Variants in ZPBP observed in about 807,000 individuals in gnomAD.
ZPBP encodes zona pellucida binding protein, also known as zona pellucida-binding protein 1.
A neutral mutation model predicts 44.8 loss-of-function variants in ZPBP; 26 were observed. The observed-to-expected ratio is 0.58, with a 90% CI of 0.43 to 0.81. The LOEUF (loss-of-function observed/expected upper bound fraction) is 0.81, where lower values mean the gene tolerates loss of function less well. Ranked by LOEUF, ZPBP falls within the 30% of genes least tolerant of loss-of-function variation. The pLI, the probability that ZPBP is intolerant of heterozygous loss-of-function variation, is 0.00. For missense variants in ZPBP, 409 were observed against 434.0 expected (o/e 0.94, Z 0.51); for synonymous variants, 174 against 153.2 (o/e 1.14, Z -1.00).
At chr7:49,970,624 CA>C in intron 7 of ZPBP, among the ~76,000 whole-genome samples, 1 of 150,808 alleles carries the variant, frequency 6.6e-6, no homozygotes, top group Non-Finnish European at 1.5e-5. Flanking sequence ...CCAGTCAGAG[CA>C]GAATAAAGCT....
chr7:49,929,319 A>G (rs1794368305), intron 1 of ZPBP, among the ~76,000 whole-genome samples: 1 of 152,228 alleles, frequency 6.6e-6, no homozygotes, highest in Admixed American at 6.5e-5. Context: ...TTTTGTCACC[A>G]TGCTTGATCA....
intron 3 of ZPBP, among the ~76,000 whole-genome samples, chr7:50,071,929 G>T (rs1443524424): frequency 6.6e-6 from 1 of 152,214 alleles, no homozygotes; most frequent in African/African-American, 2.4e-5. Context: ...CTTCAGGTGA[G>T]ACTCAGCACA....
chr7:49,873,168 C>T (rs1451557609), intron 2 of ZPBP, among the ~76,000 whole-genome samples: 2 of 152,100 alleles, frequency 1.3e-5, no homozygotes, highest in Non-Finnish European at 2.9e-5. Context: ...AACAATTTGT[C>T]TTGGTCTGTT....
At chr7:49,935,084 C>G (rs1794575692), downstream of ZPBP, among the ~76,000 whole-genome samples, 3 of 152,118 alleles carry the variant, frequency 2.0e-5, no homozygotes, top group South Asian at 6.2e-4. Context: ...AAACAACTTC[C>G]AACATTTCAC....
At chr7:49,991,335 C>T (rs553170358) in intron 6 of ZPBP, among the ~76,000 whole-genome samples, 20 of 152,150 alleles carry the variant, frequency 1.3e-4, no homozygotes, top group African/African-American at 4.8e-4. Flanking sequence ...AACATCAGAA[C>T]AGCAATAATG....
rs114643943 is a variant in ZPBP at position 49,978,128 on chromosome 7, G to A, written c.961+5214C>T. On this transcript the variant is annotated intron_variant, in intron 7 of 7. Coordinates refer to ENST00000046087, the MANE Select transcript of ZPBP (RefSeq NM_007009.3). ...AGCAGAAATAACATGGGAGAAAGTT[G>A]AATATATAAGCTATACAAAAATATA... is the stretch of plus-strand genomic sequence containing the variant. Among the ~76,000 whole-genome samples, 1,083 of 148,642 alleles carry A rather than the reference G, an allele frequency of 7.3e-3. 16 individuals are homozygous for A. Among genetic ancestry groups the A allele is most frequent in the African/African-American group, 0.025 (1,018 of 40,648 alleles).
chr7:49,886,800 A>T (rs900193543), intron 2 of ZPBP, among the ~76,000 whole-genome samples: 8 of 152,226 alleles, frequency 5.3e-5, no homozygotes, highest in African/African-American at 1.7e-4. Context: ...TTTGACACAC[A>T]ACACTTTGGT....
chr7:49,977,915 T>C (rs769179321), intron 7 of ZPBP, among the ~76,000 whole-genome samples: 4 of 152,134 alleles, frequency 2.6e-5, no homozygotes, highest in Non-Finnish European at 5.9e-5. Context: ...AGATGTCTGA[T>C]TCCTAAACGT....
At chr7:49,982,613 G>A (rs1028716541) in intron 7 of ZPBP, among the ~76,000 whole-genome samples, 24 of 151,230 alleles carry the variant, frequency 1.6e-4, no homozygotes, top group African/African-American at 4.8e-4. Context: ...CATCAGAATC[G>A]TGAGACAAAT....
At chr7:50,079,688 A>T (rs1369609703) in intron 3 of ZPBP, among the ~76,000 whole-genome samples, 1 of 151,730 alleles carries the variant, frequency 6.6e-6, no homozygotes, top group Non-Finnish European at 1.5e-5. Context: ...AAATTTTATG[A>T]GAGTAAATCT....
intron 4 of ZPBP, among the ~76,000 whole-genome samples, chr7:50,053,116 C>T (rs1283181530): frequency 1.3e-5 from 2 of 152,042 alleles, no homozygotes; most frequent in African/African-American, 2.4e-5. Flanking sequence ...TGAATAAGAT[C>T]ATATTTTACA....
At chr7:49,906,484 C>T (rs192092360) in intron 1 of ZPBP, among the ~76,000 whole-genome samples, 86 of 152,052 alleles carry the variant, frequency 5.7e-4, no homozygotes, top group Non-Finnish European at 2.8e-4. Context: ...TACAGGCACC[C>T]GCCACCACAC....
intron 1 of ZPBP, among the ~76,000 whole-genome samples, chr7:49,902,010 A>T (rs191244003): frequency 6.8e-6 from 1 of 147,652 alleles, no homozygotes; most frequent in Admixed American, 6.6e-5. Flanking sequence ...CAAGAGACAG[A>T]CTTTACACCC....
intron 6 of ZPBP, among the ~76,000 whole-genome samples, chr7:50,005,336 C>T (rs7796315): frequency 0.29 from 43,529 of 151,554 alleles, 6,973 homozygotes; most frequent in Non-Finnish European, 0.37. Context: ...ATTCTGTAAA[C>T]AAAAATATAT....
intron 6 of ZPBP, among the ~76,000 whole-genome samples, chr7:50,017,893 A>G (rs1332961370): frequency 2.6e-5 from 4 of 152,114 alleles, no homozygotes; most frequent in Non-Finnish European, 2.9e-5. Context: ...ATAGATTAAA[A>G]GATGGTTCAA....
chr7:49,978,183 ATC>A (rs1046380990), intron 7 of ZPBP, among the ~76,000 whole-genome samples: 1 of 151,626 alleles, frequency 6.6e-6, no homozygotes, highest in Non-Finnish European at 1.5e-5. Context: ...GCATTTCAGA[ATC>A]TGTGTTTTCA....
rs186676282 is a variant in ZPBP, at chr7:50,030,386, G to T, written c.706+706C>A. Among the ~76,000 whole-genome samples the T allele has an allele frequency of 3.9e-5, 6 of 152,058 alleles. No individual in the cohort carries two copies. The East Asian group carries it at 1.2e-3, about 29-fold the overall frequency. On this transcript the variant is annotated intron_variant, in intron 5 of 7. Coordinates refer to ENST00000046087, the MANE Select transcript of ZPBP (RefSeq NM_007009.3). ...TTGTTTTTTTCCCTTAAAGCTTCAT[G>T]CCTCTCAATTGTGCTTCTAAAACTT... is the stretch of plus-strand genomic sequence containing the variant.
intron 6 of ZPBP, among the ~76,000 whole-genome samples, chr7:49,988,195 TA>T (rs1319725510): frequency 2.0e-5 from 3 of 152,182 alleles, no homozygotes; most frequent in African/African-American, 7.2e-5. Context: ...TTTTTGCTTT[TA>T]AAAAAATTCT....
intron 5 of ZPBP, 23 bp from the exon 6 acceptor site, chr7:50,018,339 A>G (rs1798922605): frequency 6.8e-7 from 1 of 1,468,980 alleles, no homozygotes; most frequent in South Asian, 1.1e-5. Context: ...ATTATATTTT[A>G]TCATGGGTAT....
Sources: allele counts gnomAD v4.1 joint callset (sites outside exome capture counted in the v4.1 genomes callset), GRCh38; gene constraint gnomAD v4.1.1; transcripts MANE v1.5; gene names NCBI Gene and HGNC (gene_info 2026-07-23, HGNC 2026-07-21).